The following APP variants were observed in gnomAD, a reference collection of about 807,000 sequenced individuals.
APP encodes the protein amyloid beta precursor protein.
In APP, 31 loss-of-function variants were observed where a neutral mutation model predicts 101.4. The ratio of observed to expected loss-of-function variants is 0.31; its 90% CI spans 0.23 to 0.41. The LOEUF (loss-of-function observed/expected upper bound fraction) is 0.41, where lower values mean the gene tolerates loss of function less well. Among genes scored for constraint, APP ranks in the 10% least tolerant of loss-of-function variants. The pLI, the probability that APP is intolerant of heterozygous loss-of-function variation, is 1.00. For synonymous variants in APP, 366 were observed against 364.4 expected (o/e 1.00, Z -0.05); for missense variants, 839 against 1,003.7 (o/e 0.84, Z 2.22).
intron 5 of APP, among the ~76,000 whole-genome samples, chr21:26,041,562 C>T (rs1328790269): frequency 6.6e-6 from 1 of 152,144 alleles, no homozygotes; most frequent in Non-Finnish European, 1.5e-5. Flanking sequence ...ATGAATCCTA[C>T]AGTATTTCTC....
intron 1 of APP, among the ~76,000 whole-genome samples, chr21:26,124,138 AAAT>A (rs2062633962): frequency 6.6e-6 from 1 of 152,226 alleles, no homozygotes; most frequent in African/African-American, 2.4e-5. Context: ...CTGGCATGAA[AAAT>A]AATAACAGTA....
At chr21:25,945,780 C>T in intron 13 of APP, 4 of 412,766 alleles carry the variant, frequency 9.7e-6, no homozygotes, top group South Asian at 7.1e-5. Context: ...CTCAGCCACC[C>T]CAGGCTCAGG....
chr21:26,170,044 G>T (rs1170820084), intron 1 of APP, among the ~76,000 whole-genome samples: 1 of 152,160 alleles, frequency 6.6e-6, no homozygotes. Context: ...AAGGTGAAAC[G>T]AGGCGGAGAA....
chr21:25,918,588 A>G (rs2039474344), intron 13 of APP, among the ~76,000 whole-genome samples: 1 of 152,006 alleles, frequency 6.6e-6, no homozygotes, highest in African/African-American at 2.4e-5. Flanking sequence ...GGGGTCAGGG[A>G]GTTCCCTTTC....
At chr21:25,950,601 T>C (rs897605678) in intron 13 of APP, among the ~76,000 whole-genome samples, 9 of 152,124 alleles carry the variant, frequency 5.9e-5, no homozygotes, top group African/African-American at 9.7e-5. Context: ...ACGCTGGTCT[T>C]GAACTCCTGA....
chr21:26,120,834 T>C lies in APP; in HGVS notation c.58-8688A>G, dbSNP rs867386055. On this transcript the variant is annotated intron_variant, in intron 1 of 17. Transcript: ENST00000346798. Reference sequence around the variant, plus strand: ...TTCCTGCTCATACCTCACATGTGGCTATGTGAATACAAAAATCTTATAATT... The same window carrying C: ...TTCCTGCTCATACCTCACATGTGGCCATGTGAATACAAAAATCTTATAATT... Among the ~76,000 whole-genome samples the C allele has an allele frequency of 1.3e-4, 20 of 152,340 alleles. No homozygotes were observed. The Middle Eastern group carries it at 0.017, about 130-fold the overall frequency.
intron 15 of APP, among the ~76,000 whole-genome samples, chr21:25,898,895 A>G (rs759152782): frequency 4.6e-5 from 7 of 152,156 alleles, no homozygotes; most frequent in Non-Finnish European, 1.0e-4. Context: ...ATTCTGGGAA[A>G]CTTGTGACAC....
intron 3 of APP, among the ~76,000 whole-genome samples, chr21:26,058,857 G>A (rs915582236): frequency 3.3e-5 from 5 of 152,210 alleles, no homozygotes; most frequent in East Asian, 1.9e-4. Context: ...CGAGGCGGGC[G>A]GATCACAAGG....
chr21:26,165,270 C>G (rs1355681130), intron 1 of APP, among the ~76,000 whole-genome samples: 1 of 152,222 alleles, frequency 6.6e-6, no homozygotes, highest in Non-Finnish European at 1.5e-5. Flanking sequence ...CCATACATAG[C>G]AGCAACTAAC....
At position 26,000,152 on chromosome 21, in the gene APP, G is replaced by A. The variant is rs202074408; in HGVS notation, c.896C>T (p.Pro299Leu). The change falls in exon 7 of 18, where the codon CCG becomes CTG. Residue 299 changes from proline to leucine, a missense_variant. Coordinates refer to ENST00000346798, the MANE Select transcript of APP (RefSeq NM_000484.4). ...EVCSEQAETG[P>L]CRAMISRWYF... Reference sequence around the variant, plus strand: ...CCAGCGGGAGATCATTGCTCGGCACGGCCCCGTCTCGGCTTGTTCAGAGCA... The same window carrying A: ...CCAGCGGGAGATCATTGCTCGGCACAGCCCCGTCTCGGCTTGTTCAGAGCA... 1.4e-5 allele frequency: 22 copies of A among 1,614,196 alleles called. No individual in the cohort carries two copies. The highest frequency in any genetic ancestry group is 3.3e-5 in the Admixed American group (2 of 60,022).
At chr21:25,904,764 A>C (rs1028148473) in intron 15 of APP, among the ~76,000 whole-genome samples, 4 of 152,164 alleles carry the variant, frequency 2.6e-5, no homozygotes. Context: ...AGAAAAAAAA[A>C]AACCCAAATT....
At chr21:26,013,527 AC>A (rs2043914171) in intron 6 of APP, among the ~76,000 whole-genome samples, 1 of 151,440 alleles carries the variant, frequency 6.6e-6, no homozygotes, top group South Asian at 2.1e-4. Context: ...TATGAGAAAG[AC>A]TAATATTCTT....
At chr21:25,936,330 G>C (rs1017493863) in intron 13 of APP, among the ~76,000 whole-genome samples, 2 of 152,228 alleles carry the variant, frequency 1.3e-5, no homozygotes, top group Non-Finnish European at 2.9e-5. Context: ...AAGGCAGGTG[G>C]ATCACCTGAG....
intron 3 of APP, among the ~76,000 whole-genome samples, chr21:26,079,124 G>A (rs537630027): frequency 1.8e-4 from 28 of 151,996 alleles, no homozygotes; most frequent in South Asian, 6.2e-4. Flanking sequence ...GATGAGAAGA[G>A]GGTTCTGAAG....
At chr21:25,895,965 C>T (rs2038016916) in intron 16 of APP, among the ~76,000 whole-genome samples, 1 of 152,134 alleles carries the variant, frequency 6.6e-6, no homozygotes, top group African/African-American at 2.4e-5. Context: ...CTGCCGCTGC[C>T]ATTAGTCACT....
intron 3 of APP, among the ~76,000 whole-genome samples, chr21:26,082,814 T>TC (rs1284776485): frequency 2.0e-5 from 3 of 152,168 alleles, no homozygotes; most frequent in Non-Finnish European, 4.4e-5. Context: ...CTCCAGGGGC[T>TC]CACACACTGT....
chr21:25,995,050 G>A (rs1340745709), intron 8 of APP, among the ~76,000 whole-genome samples: 1 of 152,118 alleles, frequency 6.6e-6, no homozygotes, highest in African/African-American at 2.4e-5. Context: ...CAAGTAGATG[G>A]AGAAAATTAC....
intron 13 of APP, among the ~76,000 whole-genome samples, chr21:25,951,666 C>T (rs567651214): frequency 3.3e-5 from 5 of 152,082 alleles, no homozygotes; most frequent in African/African-American, 9.6e-5. Flanking sequence ...AATATTAGAA[C>T]GACTACAAGA....
chr21:26,088,025 C>T (rs1180261533), intron 3 of APP, among the ~76,000 whole-genome samples: 4 of 151,794 alleles, frequency 2.6e-5, no homozygotes, highest in South Asian at 4.2e-4. Flanking sequence ...TTTTAAGAGA[C>T]GGGGTCTCAT....
Sources: gnomAD v4.1 joint callset for allele counts (sites outside exome capture counted in the v4.1 genomes callset) on GRCh38, gnomAD v4.1.1 for gene constraint, MANE v1.5 for transcripts, NCBI Gene and HGNC (gene_info 2026-07-23, HGNC 2026-07-21) for gene names.